Variants in UGT1A8 observed in about 807,000 individuals in gnomAD.
UGT1A8 encodes UDP-glucuronosyltransferase 1A8.
In UGT1A8, 39 loss-of-function variants were observed where a neutral mutation model predicts 45.3. The observed-to-expected ratio is 0.86, with a 90% CI of 0.67 to 1.12. The LOEUF (loss-of-function observed/expected upper bound fraction) is 1.12. UGT1A8 is among the 50% of genes most tolerant of loss of function. The pLI is 0.00. For synonymous variants in UGT1A8, 275 were observed against 249.2 expected (o/e 1.10, Z -0.97); for missense variants, 719 against 664.9 (o/e 1.08, Z -0.90).
chr2:233,698,282 G>GA (rs528248105), intron 1 of UGT1A8, among the ~76,000 whole-genome samples: 1 of 151,926 alleles, frequency 6.6e-6, no homozygotes, highest in Non-Finnish European at 1.5e-5. Flanking sequence ...TCAACACTAT[G>GA]AAAAAAAATG....
At chr2:233,627,930 T>G (rs1444889653) in intron 1 of UGT1A8, among the ~76,000 whole-genome samples, 1 of 152,004 alleles carries the variant, frequency 6.6e-6, no homozygotes, top group Non-Finnish European at 1.5e-5. Context: ...CCATGAGAGA[T>G]CACTTTTTAC....
chr2:233,622,016 C>T (rs569902565), intron 1 of UGT1A8, among the ~76,000 whole-genome samples: 82 of 152,162 alleles, frequency 5.4e-4, no homozygotes, highest in African/African-American at 1.8e-3. Context: ...TTGCTGAGAA[C>T]GATAGTTTCC....
chr2:233,643,926 A>G (rs2073529346), intron 1 of UGT1A8, among the ~76,000 whole-genome samples: 1 of 152,096 alleles, frequency 6.6e-6, no homozygotes, highest in African/African-American at 2.4e-5. Flanking sequence ...TCCTAAATGC[A>G]AGACAAAGTC....
chr2:233,657,069 T>C, intron 1 of UGT1A8, among the ~76,000 whole-genome samples: 1 of 152,156 alleles, frequency 6.6e-6, no homozygotes, highest in East Asian at 1.9e-4. Context: ...CTTCTTTCCT[T>C]TGGTCTACCC....
chr2:233,666,797 C>A (rs1410178781), intron 1 of UGT1A8, among the ~76,000 whole-genome samples: 1 of 128,594 alleles, frequency 7.8e-6, no homozygotes. Context: ...TATCCCTCCC[C>A]CCTCCCCCAA....
intron 1 of UGT1A8, among the ~76,000 whole-genome samples, chr2:233,735,342 T>C (rs542444977): frequency 6.6e-6 from 1 of 152,338 alleles, no homozygotes; most frequent in South Asian, 2.1e-4. Context: ...CCCTGCTTTT[T>C]TTTTGCTTTC....
intron 1 of UGT1A8, chr2:233,717,944 C>T (rs897150817): frequency 6.0e-5 from 27 of 453,468 alleles, no homozygotes; most frequent in African/African-American, 3.6e-4. Context: ...TCTATGCAGA[C>T]TTGCAGAAGA....
At chr2:233,684,348 A>C (rs1180334738) in intron 1 of UGT1A8, among the ~76,000 whole-genome samples, 1 of 152,214 alleles carries the variant, frequency 6.6e-6, no homozygotes, top group South Asian at 2.1e-4. Context: ...TAGACTTGTC[A>C]AAGTGTCTCT....
At chr2:233,664,118 C>T (rs1279265560) in intron 1 of UGT1A8, among the ~76,000 whole-genome samples, 2 of 152,152 alleles carry the variant, frequency 1.3e-5, no homozygotes, top group Non-Finnish European at 2.9e-5. Context: ...TAAGGCATAG[C>T]AAGGGTGACC....
chr2:233,729,883 T>G (rs1220265805), intron 1 of UGT1A8: 1 of 1,613,824 alleles, frequency 6.2e-7, no homozygotes, highest in Non-Finnish European at 8.5e-7. Flanking sequence ...CAGTCATGCA[T>G]CTGTGTGGCT....
At chr2:233,688,504 G>A (rs2074897339) in intron 1 of UGT1A8, among the ~76,000 whole-genome samples, 1 of 152,122 alleles carries the variant, frequency 6.6e-6, no homozygotes, top group Non-Finnish European at 1.5e-5. Context: ...AATGTCACAT[G>A]CAGTGAAATG....
intron 1 of UGT1A8, among the ~76,000 whole-genome samples, chr2:233,724,767 C>T (rs2125706363): frequency 7.0e-6 from 1 of 143,094 alleles, no homozygotes; most frequent in African/African-American, 2.7e-5. Context: ...GGCGGCCAGG[C>T]AGAGACACTC....
intron 1 of UGT1A8, among the ~76,000 whole-genome samples, chr2:233,654,157 T>A (rs1451829825): frequency 6.6e-6 from 1 of 152,170 alleles, no homozygotes; most frequent in Non-Finnish European, 1.5e-5. Flanking sequence ...GCTGACAATT[T>A]AACCTTGTGA....
chr2:233,772,669 CA>C lies in UGT1A8; in HGVS notation c.*111del. On this transcript the variant is annotated 3_prime_UTR_variant, in exon 5 of 5. Coordinates refer to ENST00000373450, the MANE Select transcript of UGT1A8 (RefSeq NM_019076.5). ...TTATTCTTATTAAGGAAATACTTTG[CA>C]TAAATTAATCAGCCCCAGAGTGCTT... 6.5e-7 allele frequency: 1 copy of C among 1,536,408 alleles called. No individual in the cohort carries two copies. The highest frequency in any genetic ancestry group is 1.4e-5 in the African/African-American group (1 of 72,618).
chr2:233,631,409 G>A (rs899096191), intron 1 of UGT1A8, among the ~76,000 whole-genome samples: 3 of 151,996 alleles, frequency 2.0e-5, no homozygotes, highest in South Asian at 2.1e-4. Flanking sequence ...TTGATGAATC[G>A]CCACACTGTC....
chr2:233,728,724 A>G (rs2077744422), intron 1 of UGT1A8, among the ~76,000 whole-genome samples: 1 of 152,220 alleles, frequency 6.6e-6, no homozygotes, highest in African/African-American at 2.4e-5. Flanking sequence ...AGCAGAGAGC[A>G]TATGACTGGG....
intron 1 of UGT1A8, among the ~76,000 whole-genome samples, chr2:233,705,039 G>A (rs2075818436): frequency 6.6e-6 from 1 of 152,078 alleles, no homozygotes; most frequent in Non-Finnish European, 1.5e-5. Flanking sequence ...GGGAGGCTGA[G>A]GCAGGAGAAT....
intron 1 of UGT1A8, chr2:233,747,131 T>C: frequency 6.5e-7 from 1 of 1,533,260 alleles, no homozygotes; most frequent in Non-Finnish European, 8.8e-7. Flanking sequence ...AGTGGCTCAG[T>C]GACAAGGTAA....
chr2:233,767,049 AT>A lies in UGT1A8; in HGVS notation c.873del (p.Asn292MetfsTer71). ...KPLPMEFEAY[I>X]NASGEHGIVV... ...CTGGCTCTAGGAATTTGAAGCCTACATTAATGCTTCTGGAGAACATGGAATT... is the reference window on the plus strand; with the variant it reads ...CTGGCTCTAGGAATTTGAAGCCTACATAATGCTTCTGGAGAACATGGAATT... On this transcript the variant is annotated frameshift_variant, in exon 2 of 5. Transcript: ENST00000373450. LOFTEE classifies it high-confidence loss of function. The A allele has an allele frequency of 6.2e-7, 1 of 1,614,146 alleles. No individual in the cohort carries two copies. The highest frequency in any genetic ancestry group is 8.5e-7 in the Non-Finnish European group (1 of 1,180,002).
Sources: gnomAD v4.1 joint callset for allele counts (sites outside exome capture counted in the v4.1 genomes callset) on GRCh38, gnomAD v4.1.1 for gene constraint, MANE v1.5 for transcripts, NCBI Gene and HGNC (gene_info 2026-07-23, HGNC 2026-07-21) for gene names.